Variants in ARHGAP20 observed in about 807,000 individuals in gnomAD.
ARHGAP20 encodes the protein Rho GTPase activating protein 20.
ARHGAP20 carries 34 observed loss-of-function variants against 73.7 expected under a neutral mutation model. The observed-to-expected ratio is 0.46, with a 90% CI of 0.35 to 0.61. The LOEUF (loss-of-function observed/expected upper bound fraction) is 0.61. ARHGAP20 is among the 20% of genes least tolerant of loss of function. The pLI is 0.00. For missense variants in ARHGAP20, 1,314 were observed against 1,420.9 expected (o/e 0.92, Z 1.21); for synonymous variants, 523 against 518.2 (o/e 1.01, Z -0.13).
chr11:110,628,003 A>G, intron 3 of ARHGAP20, among the ~76,000 whole-genome samples: 1 of 152,254 alleles, frequency 6.6e-6, no homozygotes, highest in East Asian at 1.9e-4. Context: ...CATTGTCGGC[A>G]TCCAGTACAA....
chr11:110,664,511 G>C (rs1949680320), intron 2 of ARHGAP20, among the ~76,000 whole-genome samples: 2 of 152,142 alleles, frequency 1.3e-5, no homozygotes, highest in Non-Finnish European at 2.9e-5. Flanking sequence ...GGCGGATCAT[G>C]AGGTCAGGAG....
chr11:110,688,604 T>A (rs1201311929), intron 2 of ARHGAP20, among the ~76,000 whole-genome samples: 6 of 150,632 alleles, frequency 4.0e-5, no homozygotes, highest in Non-Finnish European at 7.4e-5. Context: ...CCACCTCCCC[T>A]AAAAAAAAAT....
rs867582156 is a variant in ARHGAP20, at chr11:110,670,947, C to T, written c.188+19600G>A. 1.5e-4 allele frequency among the ~76,000 whole-genome samples: 23 copies of T among 152,002 alleles called. No homozygotes were observed. In the South Asian group the frequency reaches 2.5e-3, roughly 16 times the overall value. On this transcript the variant is annotated intron_variant, in intron 2 of 14. Transcript: ENST00000683387. ...AAGAAAACATGATGACTAAATCTAA[C>T]GTGGTATTCTAGATAGGATCCTGGT...
Position 110,581,101 on chromosome 11 carries a change from G to A in ARHGAP20, c.1845C>T (p.Asp615=). ...CATAGTCACTGAGGGTTAAGACAGA[G>A]TCCATGCTTCTGCTCCCCTGGCCAA... ...KKLGQGSRSM[D]SVLTLSDYDL... The change falls in exon 15 of 15, where the codon GAC becomes GAT. Residue 615 remains aspartate, a synonymous_variant. Transcript: ENST00000683387. The A allele has an allele frequency of 1.2e-6, 2 of 1,614,196 alleles. No homozygotes were observed. The highest frequency in any genetic ancestry group is 1.7e-6 in the Non-Finnish European group (2 of 1,180,036).
chr11:110,603,477 T>C (rs1948154551), intron 9 of ARHGAP20, among the ~76,000 whole-genome samples: 2 of 152,210 alleles, frequency 1.3e-5, no homozygotes, highest in African/African-American at 4.8e-5. Flanking sequence ...GAATGTTTAA[T>C]TACAAGTAAT....
chr11:110,695,027 C>T (rs1251245520), intron 1 of ARHGAP20, among the ~76,000 whole-genome samples: 3 of 151,616 alleles, frequency 2.0e-5, no homozygotes, highest in Admixed American at 6.6e-5. Context: ...CTGCAAACTA[C>T]ACCTTTTGAA....
intron 1 of ARHGAP20, 24 bp from the exon 2 acceptor site, chr11:110,690,653 G>T (rs780411823): frequency 1.2e-6 from 2 of 1,605,330 alleles, no homozygotes; most frequent in East Asian, 4.5e-5. Flanking sequence ...AAACCAAAAT[G>T]AAGACCACAT....
intron 9 of ARHGAP20, among the ~76,000 whole-genome samples, chr11:110,599,923 T>C (rs1226315119): frequency 6.6e-6 from 1 of 151,862 alleles, no homozygotes; most frequent in Non-Finnish European, 1.5e-5. Flanking sequence ...CTGCTAGGAG[T>C]TGGACATCTG....
intron 1 of ARHGAP20, chr11:110,711,889 T>A (rs953971350): frequency 8.4e-6 from 11 of 1,305,224 alleles, no homozygotes; most frequent in Non-Finnish European, 1.1e-5. Context: ...GCGAGGTCGC[T>A]CGAGGAGAGA....
chr11:110,623,559 A>T (rs1461468025), intron 4 of ARHGAP20, among the ~76,000 whole-genome samples: 1 of 152,246 alleles, frequency 6.6e-6, no homozygotes, highest in Non-Finnish European at 1.5e-5. Flanking sequence ...CACCAACTCA[A>T]AACCTGCTAT....
chr11:110,624,774 A>T (rs960554674), intron 3 of ARHGAP20, among the ~76,000 whole-genome samples: 6 of 152,176 alleles, frequency 3.9e-5, no homozygotes, highest in Non-Finnish European at 7.3e-5. Context: ...TGGCTACCTT[A>T]GCCCAAGAAG....
chr11:110,582,542 A>G (rs577403713), intron 13 of ARHGAP20, 107 bp from the exon 14 acceptor site: 6 of 674,408 alleles, frequency 8.9e-6, no homozygotes, highest in Non-Finnish European at 1.3e-5. Flanking sequence ...CTACCCAGAG[A>G]AAAATTCATA....
intron 2 of ARHGAP20, among the ~76,000 whole-genome samples, chr11:110,648,210 A>AAT (rs1242747967): frequency 5.8e-4 from 66 of 113,294 alleles, no homozygotes; most frequent in African/African-American, 1.8e-3. Flanking sequence ...TATATATGTA[A>AAT]ATATATATAT....
At chr11:110,622,804 AT>A (rs1397915442) in intron 4 of ARHGAP20, among the ~76,000 whole-genome samples, 1 of 152,208 alleles carries the variant, frequency 6.6e-6, no homozygotes, top group African/African-American at 2.4e-5. Context: ...TGTTCTTCTT[AT>A]CACAATACAT....
At chr11:110,696,788 T>G (rs955294592) in intron 1 of ARHGAP20, among the ~76,000 whole-genome samples, 1 of 151,716 alleles carries the variant, frequency 6.6e-6, no homozygotes, top group Non-Finnish European at 1.5e-5. Flanking sequence ...TTTGTATCCA[T>G]TGTTAGATCC....
At chr11:110,703,371 T>G (rs1412265829) in intron 1 of ARHGAP20, among the ~76,000 whole-genome samples, 1 of 152,060 alleles carries the variant, frequency 6.6e-6, no homozygotes, top group Non-Finnish European at 1.5e-5. Context: ...CTAGGAGACA[T>G]TGGACCTTAA....
rs193260239 is a variant in ARHGAP20, at chr11:110,611,907, A to C, written c.631-521T>G. On this transcript the variant is annotated intron_variant, in intron 6 of 14. Transcript: ENST00000683387. ...AAGACATTTAAAGCTTAGAATTTTA[A>C]AAAGTCACTATTGGGAACTTTCCAT... Among the ~76,000 whole-genome samples, 20 of 152,338 alleles carry C rather than the reference A, an allele frequency of 1.3e-4. 1 individual carries two copies. The East Asian group carries it at 3.9e-3, about 29-fold the overall frequency.
chr11:110,588,022 T>C (rs1947716554), intron 11 of ARHGAP20, among the ~76,000 whole-genome samples: 1 of 152,222 alleles, frequency 6.6e-6, no homozygotes, highest in Admixed American at 6.5e-5. Context: ...TAGCTCTCTT[T>C]TTAAATCTCA....
chr11:110,618,211 T>C (rs1312118452), intron 4 of ARHGAP20, among the ~76,000 whole-genome samples: 1 of 152,158 alleles, frequency 6.6e-6, no homozygotes, highest in African/African-American at 2.4e-5. Flanking sequence ...AAGCCCTTTA[T>C]CTGTTTTGGA....
Sources: gnomAD v4.1 joint callset for allele counts (sites outside exome capture counted in the v4.1 genomes callset) on GRCh38, gnomAD v4.1.1 for gene constraint, MANE v1.5 for transcripts, NCBI Gene and HGNC (gene_info 2026-07-23, HGNC 2026-07-21) for gene names.